Variants in SMYD3 observed in about 807,000 individuals in gnomAD.
SMYD3 encodes SET and MYND domain containing 3, also known as histone-lysine N-methyltransferase SMYD3.
A neutral mutation model predicts 57.7 loss-of-function variants in SMYD3; 36 were observed. The ratio of observed to expected loss-of-function variants is 0.62; its 90% CI spans 0.48 to 0.82. The LOEUF is 0.82. Ranked by LOEUF, SMYD3 falls within the 40% of genes least tolerant of loss-of-function variation. SMYD3 has a pLI of 0.00. For synonymous variants in SMYD3, 211 were observed against 195.0 expected, an observed-to-expected ratio of 1.08 and a Z score of -0.68; for missense variants, 515 against 538.8, an observed-to-expected ratio of 0.96 and a Z score of 0.44.
At chr1:246,245,648 T>G (rs995225645) in intron 5 of SMYD3, among the ~76,000 whole-genome samples, 1 of 152,134 alleles carries the variant, frequency 6.6e-6, no homozygotes, top group African/African-American at 2.4e-5. Flanking sequence ...GAAATTAAAA[T>G]TTCAGATTTA....
chr1:245,813,054 G>A (rs6605253), intron 10 of SMYD3, among the ~76,000 whole-genome samples: 90,488 of 132,634 alleles, frequency 0.68, 33,639 homozygotes, highest in Non-Finnish European at 0.84. Context: ...TCGCTCTGTT[G>A]CCCAGGCTGG....
intron 10 of SMYD3, among the ~76,000 whole-genome samples, chr1:245,764,712 A>G (rs1449934707): frequency 6.6e-6 from 1 of 151,664 alleles, no homozygotes; most frequent in African/African-American, 2.4e-5. Flanking sequence ...ATCTCACTGG[A>G]TTATAGTGCT....
At chr1:245,941,301 CA>C (rs1400457638) in intron 5 of SMYD3, among the ~76,000 whole-genome samples, 1 of 152,026 alleles carries the variant, frequency 6.6e-6, no homozygotes, top group Non-Finnish European at 1.5e-5. Context: ...CATTCAAACT[CA>C]AAAAATCCAG....
At chr1:246,167,777 C>T (rs2062246506) in intron 5 of SMYD3, among the ~76,000 whole-genome samples, 1 of 152,172 alleles carries the variant, frequency 6.6e-6, no homozygotes. Context: ...TCCCAAAGTG[C>T]TGGGATTACA....
chr1:246,407,976 T>C (rs2066894712), intron 1 of SMYD3, among the ~76,000 whole-genome samples: 1 of 151,756 alleles, frequency 6.6e-6, no homozygotes, highest in Non-Finnish European at 1.5e-5. Context: ...TGAAGAAACC[T>C]GAGGGCAGGT....
chr1:246,090,518 C>CTTTTTTTTTT (rs143885627), intron 5 of SMYD3, among the ~76,000 whole-genome samples: 1 of 121,766 alleles, frequency 8.2e-6, no homozygotes. Flanking sequence ...TTCTTTCTCT[C>CTTTTTTTTTT]TCTCTTTTTT....
chr1:246,233,923 G>A (rs537007816), intron 5 of SMYD3, among the ~76,000 whole-genome samples: 2 of 108,246 alleles, frequency 1.8e-5, no homozygotes, highest in African/African-American at 3.6e-5. Flanking sequence ...GAGGAGAAAC[G>A]CTCCTTCAAT....
intron 1 of SMYD3, among the ~76,000 whole-genome samples, chr1:246,401,103 G>A (rs1368465962): frequency 6.6e-6 from 1 of 152,142 alleles, no homozygotes; most frequent in Non-Finnish European, 1.5e-5. Flanking sequence ...TTAATTCAGT[G>A]ATCACTTTCA....
At chr1:246,253,700 T>C (rs1780822) in intron 5 of SMYD3, among the ~76,000 whole-genome samples, 1,997 of 152,338 alleles carry the variant, frequency 0.013, 26 homozygotes, top group Middle Eastern at 0.031. Flanking sequence ...TTCCTAGGTG[T>C]TGTAGGTGTG....
chr1:245,998,762 C>T (rs530345449), intron 5 of SMYD3, among the ~76,000 whole-genome samples: 2 of 152,114 alleles, frequency 1.3e-5, no homozygotes, highest in South Asian at 2.1e-4. Context: ...CCCAAGGGTC[C>T]GTCATCAGAT....
intron 8 of SMYD3, among the ~76,000 whole-genome samples, chr1:245,901,460 G>C (rs140363767): frequency 1.3e-5 from 2 of 152,192 alleles, no homozygotes; most frequent in African/African-American, 2.4e-5. Context: ...ATGAGTAACA[G>C]AAGAAAAGTC....
At chr1:245,864,922 C>G (rs185213094) in intron 8 of SMYD3, among the ~76,000 whole-genome samples, 2 of 152,104 alleles carry the variant, frequency 1.3e-5, no homozygotes, top group Non-Finnish European at 2.9e-5. Context: ...AAAACAAAAT[C>G]CCCCAACACT....
chr1:246,304,273 T>C (rs780847405), intron 5 of SMYD3, among the ~76,000 whole-genome samples: 2 of 152,112 alleles, frequency 1.3e-5, no homozygotes, highest in African/African-American at 2.4e-5. Flanking sequence ...AAACAAATAG[T>C]ATAAATCTGT....
intron 5 of SMYD3, among the ~76,000 whole-genome samples, chr1:246,056,923 C>T (rs916798353): frequency 1.9e-4 from 29 of 152,180 alleles, no homozygotes; most frequent in Admixed American, 1.6e-3. Context: ...TCCACAGTCA[C>T]ACTTCCCAGG....
intron 5 of SMYD3, among the ~76,000 whole-genome samples, chr1:246,242,725 CATAGG>C (rs764144787): frequency 3.3e-5 from 5 of 151,846 alleles, no homozygotes; most frequent in Non-Finnish European, 7.4e-5. Context: ...GAGAGACATA[CATAGG>C]CTCAAAATAA....
intron 1 of SMYD3, among the ~76,000 whole-genome samples, chr1:246,401,767 G>A (rs1158231182): frequency 6.7e-6 from 1 of 149,082 alleles, no homozygotes. Context: ...TTGTTGCCCA[G>A]ACTGGAGTGC....
chr1:246,257,428 G>T (rs934170009), intron 5 of SMYD3, among the ~76,000 whole-genome samples: 1 of 152,058 alleles, frequency 6.6e-6, no homozygotes, highest in South Asian at 2.1e-4. Flanking sequence ...TTTTACTGTT[G>T]TTGGTTTAAA....
At chr1:246,240,649 G>A (rs1048042636) in intron 5 of SMYD3, among the ~76,000 whole-genome samples, 7 of 152,102 alleles carry the variant, frequency 4.6e-5, no homozygotes, top group Admixed American at 3.9e-4. Context: ...TAGCTTGATG[G>A]CAATAGCATT....
At position 246,241,187 on chromosome 1, in the gene SMYD3, C is replaced by T. The variant is rs1418068164; in HGVS notation, c.531+86014G>A. On this transcript the variant is annotated intron_variant, in intron 5 of 11. Coordinates refer to ENST00000490107, the MANE Select transcript of SMYD3 (RefSeq NM_001167740.2). ...CTTGTGCCAGTTTTCAAAGGGAATG[C>T]TTCCAGTTTTTGCCCATTCAGTATG... Among the ~76,000 whole-genome samples the T allele has an allele frequency of 2.6e-5, 4 of 152,256 alleles. No individual in the cohort carries two copies. The South Asian group carries it at 8.3e-4, about 32-fold the overall frequency.
Sources: allele counts gnomAD v4.1 joint callset (sites outside exome capture counted in the v4.1 genomes callset), GRCh38; gene constraint gnomAD v4.1.1; transcripts MANE v1.5; gene names NCBI Gene and HGNC (gene_info 2026-07-23, HGNC 2026-07-21).